The following TP53AIP1 variants were observed in gnomAD, a reference collection of about 807,000 sequenced individuals.
TP53AIP1 encodes the protein tumor protein p53 regulated apoptosis inducing protein 1.
Under a neutral mutation model 9.5 loss-of-function variants are expected in TP53AIP1, and 14 were observed. That is an observed-to-expected ratio of 1.47 (90% CI 0.97 to 2.30). TP53AIP1 has a LOEUF of 2.30. TP53AIP1 is among the 30% of genes most tolerant of loss of function. The probability of loss-of-function intolerance (pLI) is 0.00; values close to 1 mark genes in which losing one functional copy is unlikely to be tolerated. For synonymous variants in TP53AIP1, 73 were observed against 61.2 expected, an observed-to-expected ratio of 1.19 and a Z score of -0.90; for missense variants, 153 against 146.7, an observed-to-expected ratio of 1.04 and a Z score of -0.22.
chr11:128,938,526 A>G (rs1944879431), intron 1 of TP53AIP1, among the ~76,000 whole-genome samples: 1 of 152,030 alleles, frequency 6.6e-6, no homozygotes, highest in African/African-American at 2.4e-5. Context: ...TGGTGCCCTC[A>G]CTTGTCTCCC....
rs1170838896 is a variant in TP53AIP1, at chr11:128,937,895, C to T, written c.-76-1G>A. ...GTTGTTAGGGCCAGTCCCTAAGGGA[C>T]TAAAAACAAACAAAACAGGCTATGA... On this transcript the variant is annotated splice_acceptor_variant, in intron 1 of 3. Transcript: ENST00000531399. LOFTEE classifies it low-confidence loss of function (5UTR_SPLICE). This position sits in a 1 kb window ranked among gnomAD's most constrained non-coding sequence, Gnocchi z 4.8. The T allele has an allele frequency of 3.3e-5, 49 of 1,463,332 alleles. No homozygotes were observed. The highest frequency in any genetic ancestry group is 4.3e-5 in the Non-Finnish European group (47 of 1,094,172). The allele number at this position is 1,463,332 out of a possible 1,614,324, so 90.6% of individuals were successfully genotyped here.
At chr11:128,935,744 C>A in intron 3 of TP53AIP1, 32 bp from the exon 4 acceptor site, 1 of 1,523,744 alleles carries the variant, frequency 6.6e-7, no homozygotes, top group Non-Finnish European at 8.8e-7. Flanking sequence ...TTACTCTTTG[C>A]AAAACGTATG....
intron 1 of TP53AIP1, among the ~76,000 whole-genome samples, chr11:128,938,246 G>C (rs143712551): frequency 4.6e-5 from 7 of 152,304 alleles, no homozygotes; most frequent in African/African-American, 9.6e-5. Flanking sequence ...CTGATGAGGG[G>C]TGCTCCAGCT....
rs1944867021 is a variant in TP53AIP1, at chr11:128,937,993, C to T, written c.-76-99G>A. ...GTTAGGGTTTCAGTTGTACTTGGAT[C>T]TGGGAGGGGGAAGCCGATGCACCCA... On this transcript the variant is annotated intron_variant, in intron 1 of 3. Transcript: ENST00000531399. This position sits in a 1 kb window ranked among gnomAD's most constrained non-coding sequence, Gnocchi z 4.8. 1.3e-6 allele frequency: 1 copy of T among 741,430 alleles called. No individual in the cohort carries two copies. The highest frequency in any genetic ancestry group is 2.0e-5 in the South Asian group (1 of 50,718). 45.9% of individuals were successfully genotyped at this position (741,430 alleles called of 1,614,324 possible). A position where few individuals can be genotyped will look rare whatever the true frequency, so the allele number is the denominator to read the frequency against.
rs1388021902 is a variant in TP53AIP1 at position 128,935,658 on chromosome 11, T to C, written c.308A>G (p.Asp103Gly). The C allele has an allele frequency of 1.3e-6, 2 of 1,588,840 alleles. No homozygotes were observed. Among genetic ancestry groups the C allele is most frequent in the South Asian group, 2.3e-5 (2 of 88,638 alleles). ...CTCAAATGCTGACCCCAGTGGCCTG[T>C]CTCTAAGCACTGTGGCTCCAGGAAG... is the stretch of plus-strand genomic sequence containing the variant. ...PFLPGATVLR[D>G]RPLGSAFELS... Residue 103 changes from aspartate to glycine, a missense_variant, in exon 4 of 4, where the codon GAC becomes GGC. Transcript: ENST00000531399.
At chr11:128,941,661 A>C (rs1487082847) in intron 1 of TP53AIP1, among the ~76,000 whole-genome samples, 2 of 152,218 alleles carry the variant, frequency 1.3e-5, no homozygotes, top group Admixed American at 6.5e-5. Context: ...CATGAGGGAC[A>C]CTTGGCCCTG....
chr11:128,935,108 G>A (rs557963748), downstream of TP53AIP1: 2 of 711,500 alleles, frequency 2.8e-6, no homozygotes, highest in African/African-American at 1.7e-5. Context: ...CGTGTCAGCA[G>A]GAATGACTGT....
intron 1 of TP53AIP1, among the ~76,000 whole-genome samples, chr11:128,942,093 T>A (rs1183160076): frequency 6.6e-6 from 1 of 152,134 alleles, no homozygotes; most frequent in Non-Finnish European, 1.5e-5. Flanking sequence ...TCTCAGTAAG[T>A]GTGGTGAGTC....
intron 1 of TP53AIP1, among the ~76,000 whole-genome samples, chr11:128,940,781 G>A (rs1460634678): frequency 2.0e-5 from 3 of 152,198 alleles, no homozygotes; most frequent in Non-Finnish European, 2.9e-5. Flanking sequence ...CGGCGGCCAC[G>A]CTGGGTGCCT....
Position 128,937,700 on chromosome 11 carries a change from G to A in TP53AIP1, c.119C>T (p.Ala40Val). 1.2e-6 allele frequency: 2 copies of A among 1,614,158 alleles called. No individual in the cohort carries two copies. The highest frequency in any genetic ancestry group is 1.7e-6 in the Non-Finnish European group (2 of 1,180,044). ...TACCCAGCCAGGTGTGTGTGTCTGA[G>A]CCCTGCCATTCGGAGGCATCACCGA... ...NLSVMPPNGR[A>V]QTHTPGWVSD... Residue 40 changes from alanine (A) to valine (V), a missense_variant, in exon 2 of 4, where the codon GCT (alanine) becomes GTT (valine). Coordinates refer to ENST00000531399, the MANE Select transcript of TP53AIP1 (RefSeq NM_022112.3). This position sits in a 1 kb window ranked among gnomAD's most constrained non-coding sequence, Gnocchi z 4.8.
At chr11:128,940,820 C>G (rs1944925809) in intron 1 of TP53AIP1, among the ~76,000 whole-genome samples, 1 of 152,360 alleles carries the variant, frequency 6.6e-6, no homozygotes, top group Non-Finnish European at 1.5e-5. Context: ...ATCAGGAGCA[C>G]TGGCCCAGTC....
chr11:128,935,175 A>G (rs997157988), downstream of TP53AIP1: 3 of 1,018,504 alleles, frequency 2.9e-6, no homozygotes, highest in African/African-American at 4.8e-5. Flanking sequence ...TGGCATCAGC[A>G]GCATCTGCTA....
chr11:128,941,380 C>G (rs1361697391), intron 1 of TP53AIP1, among the ~76,000 whole-genome samples: 1 of 152,178 alleles, frequency 6.6e-6, no homozygotes, highest in East Asian at 1.9e-4. Flanking sequence ...CTGGGTGGAT[C>G]CCTCCCTCTG....
At position 128,935,381 on chromosome 11, in the gene TP53AIP1, C is replaced by T. The variant is rs1029114559; in HGVS notation, c.*210G>A. On this transcript the variant is annotated 3_prime_UTR_variant, in exon 4 of 4. Coordinates refer to ENST00000531399, the MANE Select transcript of TP53AIP1 (RefSeq NM_022112.3). ...AAACTTCACAAGAATTTTTTTCCAG[C>T]TTTTATTTCAGATTTGGGGATACAG... The T allele has an allele frequency of 6.4e-6, 9 of 1,412,454 alleles. No individual in the cohort carries two copies. Among genetic ancestry groups the T allele is most frequent in the African/African-American group, 1.4e-5 (1 of 69,304 alleles). 87.5% of individuals were successfully genotyped at this position (1,412,454 alleles called of 1,614,324 possible).
At chr11:128,941,336 T>C (rs1944938404) in intron 1 of TP53AIP1, among the ~76,000 whole-genome samples, 1 of 152,146 alleles carries the variant, frequency 6.6e-6, no homozygotes, top group South Asian at 2.1e-4. Context: ...GAACAGGAAG[T>C]ATTTTAAGGA....
chr11:128,937,089 G>A lies in TP53AIP1; in HGVS notation c.142-440C>T, dbSNP rs1368119273. Reference sequence around the variant, plus strand: ...CAGGCCTGGCCTGTGTCTGCTTCCGGAGCCATGCGCTGCCTGTGCTGGGAT... The same window carrying A: ...CAGGCCTGGCCTGTGTCTGCTTCCGAAGCCATGCGCTGCCTGTGCTGGGAT... On this transcript the variant is annotated intron_variant, in intron 2 of 3. Transcript: ENST00000531399. This position sits in a 1 kb window ranked among gnomAD's most constrained non-coding sequence, Gnocchi z 4.8. 3 of 1,043,118 alleles carry A rather than the reference G, an allele frequency of 2.9e-6. No homozygotes were observed. Among genetic ancestry groups the A allele is most frequent in the Non-Finnish European group, 3.5e-6 (3 of 866,562 alleles). 64.6% of individuals were successfully genotyped at this position (1,043,118 alleles called of 1,614,324 possible). A position where few individuals can be genotyped will look rare whatever the true frequency, so the allele number is the denominator to read the frequency against.
At chr11:128,938,481 C>T (rs1156902198) in intron 1 of TP53AIP1, among the ~76,000 whole-genome samples, 1 of 152,194 alleles carries the variant, frequency 6.6e-6, no homozygotes, top group African/African-American at 2.4e-5. Context: ...CCTCTCTGCC[C>T]TCCTGGGTAT....
At position 128,937,171 on chromosome 11, in the gene TP53AIP1, C is replaced by T. The variant is rs778247963; in HGVS notation, c.141+507G>A. The T allele has an allele frequency of 1.9e-5, 21 of 1,113,842 alleles. No individual in the cohort carries two copies. Among genetic ancestry groups the T allele is most frequent in the East Asian group, 5.6e-5 (1 of 17,952 alleles). 69.0% of individuals were successfully genotyped at this position (1,113,842 alleles called of 1,614,324 possible). A position where few individuals can be genotyped will look rare whatever the true frequency, so the allele number is the denominator to read the frequency against. ...CTCAGAGCCCACAAGCTTCCGAGTG[C>T]GTCATCTTCATTATTGGCCACAGGA... On this transcript the variant is annotated intron_variant, in intron 2 of 3. Coordinates refer to ENST00000531399, the MANE Select transcript of TP53AIP1 (RefSeq NM_022112.3). This position sits in a 1 kb window ranked among gnomAD's most constrained non-coding sequence, Gnocchi z 4.8.
At chr11:128,935,330 CA>C, downstream of TP53AIP1, 3 of 1,417,388 alleles carry the variant, frequency 2.1e-6, no homozygotes, top group Non-Finnish European at 2.8e-6. Flanking sequence ...TAGTTTTTAG[CA>C]AGTGGATATT....
Sources: allele counts gnomAD v4.1 joint callset (sites outside exome capture counted in the v4.1 genomes callset), GRCh38; gene constraint gnomAD v4.1.1; non-coding constraint Gnocchi (gnomAD v3.1); transcripts MANE v1.5; gene names NCBI Gene and HGNC (gene_info 2026-07-23, HGNC 2026-07-21).